Variants in TENM3 observed in about 807,000 individuals in gnomAD.
TENM3 encodes the protein teneurin-3.
In TENM3, 63 loss-of-function variants were observed where a neutral mutation model predicts 255.1. The observed-to-expected ratio is 0.25, with a 90% CI of 0.20 to 0.30. The LOEUF is 0.30. TENM3 is among the 10% of genes least tolerant of loss of function. TENM3 has a pLI of 1.00. For synonymous variants in TENM3, 1,306 were observed against 1,322.3 expected (o/e 0.99, Z 0.27); for missense variants, 2,929 against 3,461.1 (o/e 0.85, Z 3.86).
chr4:182,518,481 A>G (rs993258842), intron 3 of TENM3, among the ~76,000 whole-genome samples: 1 of 152,272 alleles, frequency 6.6e-6, no homozygotes, highest in East Asian at 1.9e-4. Context: ...CTTAAAAAAG[A>G]TAAGAAGCAG....
chr4:181,990,293 T>A, the TENM3 span, among the ~76,000 whole-genome samples: 2 of 152,294 alleles, frequency 1.3e-5, no homozygotes, highest in Admixed American at 1.3e-4. Flanking sequence ...GCTGGAAATG[T>A]CTCTTCTTCT....
the TENM3 span, among the ~76,000 whole-genome samples, chr4:181,547,532 A>G: frequency 6.6e-6 from 1 of 152,180 alleles, no homozygotes; most frequent in Non-Finnish European, 1.5e-5. Flanking sequence ...AAAACATGCA[A>G]GAATTAAAAA....
At chr4:181,972,510 C>A in the TENM3 span, among the ~76,000 whole-genome samples, 1 of 151,456 alleles carries the variant, frequency 6.6e-6, no homozygotes, top group Non-Finnish European at 1.5e-5. Context: ...AAATGCTAAC[C>A]TTGAAATATG....
At chr4:182,672,623 G>A (rs1755312174) in intron 6 of TENM3, among the ~76,000 whole-genome samples, 1 of 152,200 alleles carries the variant, frequency 6.6e-6, no homozygotes, top group African/African-American at 2.4e-5. Context: ...ACTTTGCAGT[G>A]TTATAGTATG....
the TENM3 span, among the ~76,000 whole-genome samples, chr4:181,548,254 G>C: frequency 0.065 from 9,828 of 152,148 alleles, 348 homozygotes; most frequent in South Asian, 0.15. Context: ...TCAGTGTGGC[G>C]ATCCCTCAGG....
At chr4:182,128,757 G>C in the TENM3 span, among the ~76,000 whole-genome samples, 2 of 152,054 alleles carry the variant, frequency 1.3e-5, no homozygotes, top group African/African-American at 2.4e-5. Flanking sequence ...TCATTAAATA[G>C]GTAATAATTG....
the TENM3 span, among the ~76,000 whole-genome samples, chr4:182,085,364 A>G: frequency 6.6e-6 from 1 of 152,188 alleles, no homozygotes; most frequent in South Asian, 2.1e-4. Context: ...ACCAGTCCAC[A>G]AAAGCCAAAG....
At chr4:181,468,475 A>G in the TENM3 span, among the ~76,000 whole-genome samples, 1 of 152,222 alleles carries the variant, frequency 6.6e-6, no homozygotes, top group Admixed American at 6.5e-5. Flanking sequence ...TTCTGCATGT[A>G]TCATCCTCAG....
chr4:182,250,841 A>C (rs1379629372), intron 1 of TENM3, among the ~76,000 whole-genome samples: 1 of 152,230 alleles, frequency 6.6e-6, no homozygotes, highest in Non-Finnish European at 1.5e-5. Flanking sequence ...TTAAACATGC[A>C]ATGGTGAATT....
At chr4:181,882,468 C>A in the TENM3 span, among the ~76,000 whole-genome samples, 3 of 152,138 alleles carry the variant, frequency 2.0e-5, no homozygotes, top group African/African-American at 7.2e-5. Flanking sequence ...CACAGTCTGC[C>A]ACATAGGCCC....
At chr4:181,756,863 C>G in the TENM3 span, among the ~76,000 whole-genome samples, 3 of 152,156 alleles carry the variant, frequency 2.0e-5, no homozygotes, top group African/African-American at 7.2e-5. Flanking sequence ...CATATTAGGA[C>G]AAAGCATTCT....
the TENM3 span, among the ~76,000 whole-genome samples, chr4:182,008,938 C>T: frequency 2.6e-5 from 4 of 151,984 alleles, no homozygotes; most frequent in Non-Finnish European, 5.9e-5. Context: ...GTTGATGATG[C>T]TATTGTTACT....
At chr4:182,507,001 C>G (rs1736894698) in intron 3 of TENM3, among the ~76,000 whole-genome samples, 1 of 152,172 alleles carries the variant, frequency 6.6e-6, no homozygotes, top group Non-Finnish European at 1.5e-5. Flanking sequence ...TATTCATGAT[C>G]CGTGAAGCCT....
chr4:182,792,469 C>T lies in TENM3; in HGVS notation c.5797C>T (p.Leu1933=). Residue 1933 remains leucine (L), a synonymous_variant, in exon 26 of 28, where the codon CTG becomes TTG. Coordinates refer to ENST00000511685, the MANE Select transcript of TENM3 (RefSeq NM_001080477.4). This position sits in a 1 kb window ranked among gnomAD's most constrained non-coding sequence, Gnocchi z 6.3. ...SIITDYNEEG[L]LLQTAFLGTS... ...CATCACGGACTACAACGAGGAAGGG[C>T]TGCTTCTACAAACAGCTTTCTTGGG... The T allele has an allele frequency of 6.2e-7, 1 of 1,614,070 alleles. No homozygotes were observed. The highest frequency in any genetic ancestry group is 8.5e-7 in the Non-Finnish European group (1 of 1,179,904).
intron 18 of TENM3, among the ~76,000 whole-genome samples, chr4:182,741,174 T>G (rs1368694142): frequency 6.6e-6 from 1 of 152,176 alleles, no homozygotes; most frequent in Non-Finnish European, 1.5e-5. Flanking sequence ...AGACTCCATC[T>G]CAAAAATAAA....
At chr4:182,169,074 T>TACACACACAC (rs55885166) in intron 1 of TENM3, among the ~76,000 whole-genome samples, 43,622 of 137,362 alleles carry the variant, frequency 0.32, 7,265 homozygotes, top group Non-Finnish European at 0.42. Context: ...AATCATGCCA[T>TACACACACAC]ACACACACAC....
the TENM3 span, among the ~76,000 whole-genome samples, chr4:181,513,290 C>T: frequency 6.6e-6 from 1 of 152,080 alleles, no homozygotes; most frequent in Admixed American, 6.6e-5. Context: ...TAAATATTCA[C>T]ATGCAAGGGA....
intron 3 of TENM3, among the ~76,000 whole-genome samples, chr4:182,595,201 T>C (rs1007425152): frequency 6.6e-6 from 1 of 152,158 alleles, no homozygotes; most frequent in Non-Finnish European, 1.5e-5. Flanking sequence ...ACCATGCTGA[T>C]TCATAATAAC....
chr4:182,488,341 T>A (rs1409340705), intron 3 of TENM3, among the ~76,000 whole-genome samples: 3 of 152,182 alleles, frequency 2.0e-5, no homozygotes, highest in Non-Finnish European at 4.4e-5. Context: ...GATTTGGTGA[T>A]GTATTTAATT....
Sources: gnomAD v4.1 joint callset for allele counts (sites outside exome capture counted in the v4.1 genomes callset) on GRCh38, gnomAD v4.1.1 for gene constraint, Gnocchi (gnomAD v3.1) non-coding constraint, MANE v1.5 for transcripts, NCBI Gene and HGNC (gene_info 2026-07-23, HGNC 2026-07-21) for gene names.